The following ZNF676 variants were observed in gnomAD, a reference collection of about 807,000 sequenced individuals.
The protein encoded by ZNF676 is zinc finger protein 676.
ZNF676 carries 4 observed loss-of-function variants against 6.0 expected under a neutral mutation model. The ratio of observed to expected loss-of-function variants is 0.67; its 90% CI spans 0.33 to 1.53. The LOEUF (loss-of-function observed/expected upper bound fraction) is 1.53, where lower values mean the gene tolerates loss of function less well. Ranked by LOEUF, ZNF676 falls within the 40% of genes most tolerant of loss-of-function variation. The pLI is 0.06. For missense variants in ZNF676, 644 were observed against 679.7 expected (o/e 0.95, Z 0.58); for synonymous variants, 198 against 223.1 (o/e 0.89, Z 1.00).
intron 2 of ZNF676, among the ~76,000 whole-genome samples, chr19:22,186,532 A>G (rs1464325320): frequency 2.6e-5 from 4 of 152,236 alleles, no homozygotes; most frequent in Non-Finnish European, 5.9e-5. Flanking sequence ...ACACATAACA[A>G]TATTAACCTT....
chr19:22,182,338 C>G (rs1260418483), intron 2 of ZNF676, among the ~76,000 whole-genome samples: 1 of 151,880 alleles, frequency 6.6e-6, no homozygotes, highest in African/African-American at 2.4e-5. Context: ...ATGTCCAAAT[C>G]TCAAAGATTA....
At position 22,179,987 on chromosome 19, in the gene ZNF676, C is replaced by T. The variant is rs2023707521; in HGVS notation, c.1730G>A (p.Ser577Asn). The change falls in exon 3 of 3, where the codon AGT becomes AAT. Residue 577 changes from serine to asparagine, a missense_variant. By Grantham distance (46) the Ser-to-Asn change is conservative (BLOSUM62 1). Transcript: ENST00000397121. ...GKAFKSSSTV[S>N]YHKKIHTGEN... ...TCCAGTATGAATTTTCTTATGATAA[C>T]TAACAGTTGAGGATGACTTAAAAGC... is the stretch of plus-strand genomic sequence containing the variant. The T allele has an allele frequency of 6.2e-7, 1 of 1,612,108 alleles. No homozygotes were observed. Among genetic ancestry groups the T allele is most frequent in the Admixed American group, 1.7e-5 (1 of 59,800 alleles).
At chr19:22,252,573 C>T in the ZNF676 span, among the ~76,000 whole-genome samples, 34,879 of 152,052 alleles carry the variant, frequency 0.23, 4,270 homozygotes, top group South Asian at 0.37. Context: ...CCCAATACCC[C>T]TTGAAAGAAG....
intron 1 of ZNF676, chr19:22,204,130 T>C (rs2024053682): frequency 6.6e-6 from 1 of 152,210 alleles, no homozygotes; most frequent in African/African-American, 2.4e-5. Context: ...TATCCTGTAA[T>C]AGCAGCATAC....
the ZNF676 span, among the ~76,000 whole-genome samples, chr19:22,248,636 A>G: frequency 6.6e-6 from 1 of 152,148 alleles, no homozygotes; most frequent in Non-Finnish European, 1.5e-5. Context: ...CCTTTCCCCA[A>G]CCTGCCTCAG....
rs775797149 is a variant in ZNF676 at position 22,181,298 on chromosome 19, C to G, written c.419G>C (p.Gly140Ala). Residue 140 changes from glycine to alanine, a missense_variant, in exon 3 of 3, where the codon GGT becomes GCT. Physicochemically the swap from Gly to Ala is moderately conservative, Grantham distance 60 (BLOSUM62 0). This residue lies in a region of ZNF676 where 280 missense variants were observed against 269.3 expected (regional missense o/e 1.04). Coordinates refer to ENST00000397121, the MANE Select transcript of ZNF676 (RefSeq NM_001001411.3). ...TCTGACATATTCTTTACATTTCAAA[C>G]CTTTCTCTCCAGTATGCCTTATCTT... is the stretch of plus-strand genomic sequence containing the variant. ...RHKIRHTGEK[G>A]LKCKEYVRSF... 6.2e-6 allele frequency: 10 copies of G among 1,613,576 alleles called. No individual in the cohort carries two copies. The South Asian group carries it at 9.9e-5, about 16-fold the overall frequency.
the ZNF676 span, among the ~76,000 whole-genome samples, chr19:22,256,662 G>T: frequency 6.6e-6 from 1 of 152,094 alleles, no homozygotes; most frequent in Non-Finnish European, 1.5e-5. Context: ...TGAGTCCAGT[G>T]ATATGATACA....
chr19:22,220,691 A>G (rs1311264881), upstream of ZNF676, among the ~76,000 whole-genome samples: 1 of 152,080 alleles, frequency 6.6e-6, no homozygotes, highest in Non-Finnish European at 1.5e-5. Context: ...ACCTGACCTC[A>G]AGTGATCCCC....
At chr19:22,197,282 C>T (rs2023977108), upstream of ZNF676, among the ~76,000 whole-genome samples, 1 of 149,430 alleles carries the variant, frequency 6.7e-6, no homozygotes, top group African/African-American at 2.5e-5. Flanking sequence ...AGATTCATTG[C>T]ACTCTAGCTT....
chr19:22,200,010 G>A (rs2024008038), upstream of ZNF676, among the ~76,000 whole-genome samples: 1 of 151,934 alleles, frequency 6.6e-6, no homozygotes, highest in South Asian at 2.1e-4. Context: ...CTCCAGGGTA[G>A]GGCCAGACAT....
the ZNF676 span, among the ~76,000 whole-genome samples, chr19:22,257,780 A>C: frequency 6.6e-6 from 1 of 152,180 alleles, no homozygotes; most frequent in African/African-American, 2.4e-5. Context: ...CCCCCTGAGG[A>C]GCAGGCTCAG....
chr19:22,183,581 C>T (rs1003245756), intron 2 of ZNF676, among the ~76,000 whole-genome samples: 2 of 152,142 alleles, frequency 1.3e-5, no homozygotes, highest in African/African-American at 4.8e-5. Context: ...CTTGGGTGAT[C>T]CACCTGCCTT....
At chr19:22,209,475 G>A (rs1174576464) in intron 1 of ZNF676, among the ~76,000 whole-genome samples, 1 of 151,998 alleles carries the variant, frequency 6.6e-6, no homozygotes, top group Non-Finnish European at 1.5e-5. Flanking sequence ...ACACAGAGGG[G>A]AAAAAAGACA....
At chr19:22,245,504 GCC>G in the ZNF676 span, among the ~76,000 whole-genome samples, 92,497 of 140,720 alleles carry the variant, frequency 0.66, 30,572 homozygotes, top group Non-Finnish European at 0.7. Flanking sequence ...ATGTCACAAT[GCC>G]CCCCCCCCCA....
intron 1 of ZNF676, among the ~76,000 whole-genome samples, chr19:22,204,291 T>G (rs2024055314): frequency 6.6e-6 from 1 of 152,158 alleles, no homozygotes; most frequent in Admixed American, 6.6e-5. Context: ...GTATGAATAA[T>G]TTTATGTACT....
chr19:22,231,943 G>GT, the ZNF676 span, among the ~76,000 whole-genome samples: 2 of 152,012 alleles, frequency 1.3e-5, no homozygotes, highest in Admixed American at 6.6e-5. Flanking sequence ...TTTATAAAAT[G>GT]TTTTTTTAAG....
At chr19:22,240,322 C>T in the ZNF676 span, among the ~76,000 whole-genome samples, 1 of 151,784 alleles carries the variant, frequency 6.6e-6, no homozygotes, top group African/African-American at 2.4e-5. Flanking sequence ...GTGCTGGGCC[C>T]AGTGATATGT....
chr19:22,187,152 G>A (rs1289074773), intron 2 of ZNF676, among the ~76,000 whole-genome samples: 1 of 152,134 alleles, frequency 6.6e-6, no homozygotes, highest in African/African-American at 2.4e-5. Context: ...TAAAAAAACA[G>A]AAATAATAAC....
intron 1 of ZNF676, among the ~76,000 whole-genome samples, chr19:22,212,199 C>A (rs202205083): frequency 5.4e-3 from 647 of 118,778 alleles, no homozygotes; most frequent in African/African-American, 6.6e-3. Flanking sequence ...GATTCTGTCT[C>A]AAAAAAAAAA....
Sources: allele counts gnomAD v4.1 joint callset (sites outside exome capture counted in the v4.1 genomes callset), GRCh38; gene constraint gnomAD v4.1.1; regional missense constraint gnomAD v4.1.1; transcripts MANE v1.5; gene names NCBI Gene and HGNC (gene_info 2026-07-23, HGNC 2026-07-21).